Variants in SNCAIP observed in about 807,000 individuals in gnomAD.
The protein encoded by SNCAIP is synphilin-1.
SNCAIP carries 43 observed loss-of-function variants against 86.7 expected under a neutral mutation model. The observed-to-expected ratio is 0.50, with a 90% CI of 0.39 to 0.64. SNCAIP has a LOEUF of 0.64. Ranked by LOEUF, SNCAIP falls within the 30% of genes least tolerant of loss-of-function variation. The pLI, the probability that SNCAIP is intolerant of heterozygous loss-of-function variation, is 0.00. For synonymous variants in SNCAIP, 417 were observed against 427.2 expected (o/e 0.98, Z 0.29); for missense variants, 981 against 1,103.1 (o/e 0.89, Z 1.57).
At chr5:122,343,824 T>C (rs573655935) in intron 1 of SNCAIP, among the ~76,000 whole-genome samples, 1 of 152,332 alleles carries the variant, frequency 6.6e-6, no homozygotes, top group East Asian at 1.9e-4. Context: ...CCAGTGTCCC[T>C]TAGGGGCATA....
chr5:122,422,269 A>G (rs1466174400), intron 3 of SNCAIP, among the ~76,000 whole-genome samples: 1 of 152,086 alleles, frequency 6.6e-6, no homozygotes, highest in East Asian at 1.9e-4. Flanking sequence ...CAGTCCTTTC[A>G]ACTCCTGAGC....
chr5:122,397,938 A>G (rs1056716566), intron 2 of SNCAIP, among the ~76,000 whole-genome samples: 1 of 152,186 alleles, frequency 6.6e-6, no homozygotes, highest in African/African-American at 2.4e-5. Flanking sequence ...GATGGTGGCA[A>G]ATAGGTCATT....
In SNCAIP at chr5:122,423,059, G is replaced by C; in HGVS notation, c.322G>C (p.Gly108Arg). 1.2e-6 allele frequency: 2 copies of C among 1,614,122 alleles called. No homozygotes were observed. The highest frequency in any genetic ancestry group is 8.5e-7 in the Non-Finnish European group (1 of 1,180,006). Residue 108 changes from glycine (G) to arginine (R), a missense_variant, in exon 4 of 11, where the codon GGG (glycine) becomes CGG (arginine). Transcript: ENST00000261368. ...CCAGAAAGTGGTTGAGTACCAGAAA[G>C]GGGGTGAGTCTGACCTGGGCCCCCA... ...KNQKVVEYQK[G>R]GESDLGPQPQ... is the part of the protein sequence containing the mutation.
intron 1 of SNCAIP, among the ~76,000 whole-genome samples, chr5:122,380,174 C>A (rs948871392): frequency 6.6e-5 from 10 of 152,120 alleles, no homozygotes; most frequent in South Asian, 2.1e-4. Flanking sequence ...TGGTCCTGTA[C>A]TCTTTTTGGT....
intron 7 of SNCAIP, 21 bp from the exon 8 acceptor site, chr5:122,444,542 A>C: frequency 6.2e-7 from 1 of 1,610,162 alleles, no homozygotes; most frequent in East Asian, 2.2e-5. Flanking sequence ...CCTGATACAC[A>C]TGTCCTTCAT....
intron 10 of SNCAIP, 99 bp from the exon 11 acceptor site, chr5:122,463,392 A>G (rs1184255711): frequency 1.7e-5 from 13 of 762,618 alleles, no homozygotes; most frequent in Non-Finnish European, 2.9e-5. Flanking sequence ...GGTTTGTGTG[A>G]GGATAATTTC....
At chr5:122,423,952 A>G (rs1776889895) in intron 4 of SNCAIP, among the ~76,000 whole-genome samples, 2 of 152,222 alleles carry the variant, frequency 1.3e-5, no homozygotes, top group African/African-American at 4.8e-5. Flanking sequence ...AGGGAGTGTT[A>G]TTTCATTTTA....
At chr5:122,443,481 TCTC>T in intron 7 of SNCAIP, 2 of 348,318 alleles carry the variant, frequency 5.7e-6, no homozygotes, top group South Asian at 4.5e-5. Flanking sequence ...TCCGTAACTT[TCTC>T]CTTTCTTATG....
At chr5:122,396,370 A>T (rs1036939400) in intron 2 of SNCAIP, among the ~76,000 whole-genome samples, 5 of 152,196 alleles carry the variant, frequency 3.3e-5, no homozygotes, top group Admixed American at 1.3e-4. Flanking sequence ...CCTCTGCCAG[A>T]GAAGGTAGAG....
At chr5:122,388,503 G>A (rs1768685255) in intron 1 of SNCAIP, 1 of 152,244 alleles carries the variant, frequency 6.6e-6, no homozygotes. Context: ...TATCATGTTT[G>A]ATCATTTGCA....
At chr5:122,452,292 T>C (rs1012071505) in intron 10 of SNCAIP, among the ~76,000 whole-genome samples, 1 of 152,228 alleles carries the variant, frequency 6.6e-6, no homozygotes, top group African/African-American at 2.4e-5. Flanking sequence ...ATAGGCGATA[T>C]GAACATCTTT....
At chr5:122,358,360 C>T (rs1347915898) in intron 1 of SNCAIP, among the ~76,000 whole-genome samples, 2 of 105,146 alleles carry the variant, frequency 1.9e-5, no homozygotes, top group East Asian at 6.5e-4. Context: ...CCCCCCTCCC[C>T]CCACCCCACA....
chr5:122,445,825 G>A (rs1309061799), intron 8 of SNCAIP, among the ~76,000 whole-genome samples: 1 of 150,892 alleles, frequency 6.6e-6, no homozygotes, highest in Non-Finnish European at 1.5e-5. Context: ...ACAAGGCCTT[G>A]GACCCTCTGC....
intron 8 of SNCAIP, among the ~76,000 whole-genome samples, chr5:122,445,395 A>T (rs889523497): frequency 6.6e-6 from 1 of 152,136 alleles, no homozygotes; most frequent in Non-Finnish European, 1.5e-5. Context: ...GGAGATTGTC[A>T]TAATATGCTT....
intron 1 of SNCAIP, among the ~76,000 whole-genome samples, chr5:122,323,750 C>T (rs1046185177): frequency 1.3e-5 from 2 of 152,108 alleles, no homozygotes; most frequent in African/African-American, 4.8e-5. Context: ...CTTTGCATTC[C>T]TGCCATTAGT....
intron 2 of SNCAIP, among the ~76,000 whole-genome samples, chr5:122,400,827 G>T (rs958845873): frequency 6.6e-6 from 1 of 152,218 alleles, no homozygotes; most frequent in African/African-American, 2.4e-5. Flanking sequence ...ACATGGTAGA[G>T]AAGTGGAAAA....
intron 1 of SNCAIP, among the ~76,000 whole-genome samples, chr5:122,375,598 C>T (rs899532206): frequency 6.6e-6 from 1 of 150,642 alleles, no homozygotes; most frequent in African/African-American, 2.4e-5. Flanking sequence ...AATTATAAAA[C>T]TGGACCTCAT....
intron 3 of SNCAIP, among the ~76,000 whole-genome samples, chr5:122,411,238 T>C (rs767056673): frequency 5.3e-5 from 8 of 152,116 alleles, no homozygotes; most frequent in Non-Finnish European, 1.2e-4. Context: ...AACTGAAACA[T>C]AGGGACAAGG....
At chr5:122,373,129 A>G (rs1764588875) in intron 1 of SNCAIP, among the ~76,000 whole-genome samples, 1 of 152,222 alleles carries the variant, frequency 6.6e-6, no homozygotes, top group East Asian at 1.9e-4. Context: ...CATAAATTTA[A>G]TTTTATTCTC....
Sources: allele counts gnomAD v4.1 joint callset (sites outside exome capture counted in the v4.1 genomes callset), GRCh38; gene constraint gnomAD v4.1.1; transcripts MANE v1.5; gene names NCBI Gene and HGNC (gene_info 2026-07-23, HGNC 2026-07-21).